The following IFT56 variants were observed in gnomAD, a reference collection of about 807,000 sequenced individuals.
IFT56 encodes the protein intraflagellar transport 56.
chr7:139,138,959 C>T, the IFT56 span, among the ~76,000 whole-genome samples: 4 of 152,034 alleles, frequency 2.6e-5, no homozygotes, highest in East Asian at 3.9e-4. Flanking sequence ...TACAGACATG[C>T]GCCACCATGC....
the IFT56 span, among the ~76,000 whole-genome samples, chr7:139,143,017 T>G: frequency 6.6e-6 from 1 of 152,068 alleles, no homozygotes; most frequent in Admixed American, 6.6e-5. Context: ...AAATAATTGT[T>G]TAATTTATTT....
At chr7:139,144,437 A>G in the IFT56 span, among the ~76,000 whole-genome samples, 1 of 152,054 alleles carries the variant, frequency 6.6e-6, no homozygotes, top group East Asian at 1.9e-4. Flanking sequence ...CACTTTTCCT[A>G]TAATATTCCC....
chr7:139,133,840 C>A, the IFT56 span: 1 of 1,614,214 alleles, frequency 6.2e-7, no homozygotes, highest in South Asian at 1.1e-5. Context: ...GGTGGGGACT[C>A]ACAAGACCGA....
the IFT56 span, among the ~76,000 whole-genome samples, chr7:139,182,715 G>GA: frequency 6.6e-6 from 1 of 152,132 alleles, no homozygotes; most frequent in Non-Finnish European, 1.5e-5. Context: ...GAACCTTGTG[G>GA]AAACCAGTGT....
chr7:139,166,998 G>A, the IFT56 span: 4 of 671,716 alleles, frequency 6.0e-6, no homozygotes, highest in South Asian at 7.8e-5. Context: ...GCAGACTCCT[G>A]CCTGTAGAAT....
the IFT56 span, among the ~76,000 whole-genome samples, chr7:139,149,973 A>G: frequency 2.0e-5 from 3 of 152,180 alleles, no homozygotes; most frequent in African/African-American, 4.8e-5. Flanking sequence ...CACTATATCT[A>G]TATACAAATA....
chr7:139,149,095 G>A, the IFT56 span, among the ~76,000 whole-genome samples: 12 of 151,820 alleles, frequency 7.9e-5, no homozygotes, highest in African/African-American at 2.9e-4. Context: ...CACAAGGTCA[G>A]GAGATCGAGA....
chr7:139,144,175 T>C, the IFT56 span, among the ~76,000 whole-genome samples: 2 of 152,184 alleles, frequency 1.3e-5, no homozygotes, highest in African/African-American at 2.4e-5. Context: ...TAATATTTCC[T>C]TTAGTGGTGA....
the IFT56 span, among the ~76,000 whole-genome samples, chr7:139,184,238 C>G: frequency 2.6e-5 from 4 of 152,274 alleles, no homozygotes; most frequent in South Asian, 6.2e-4. Flanking sequence ...TCTACTCTCC[C>G]TAGGCTTCAA....
chr7:139,170,706 A>C, the IFT56 span, among the ~76,000 whole-genome samples: 894 of 152,330 alleles, frequency 5.9e-3, 9 homozygotes, highest in South Asian at 0.056. Context: ...CATACCTCAA[A>C]ACAATGAAAT....
chr7:139,159,302 T>A, the IFT56 span, among the ~76,000 whole-genome samples: 1 of 152,334 alleles, frequency 6.6e-6, no homozygotes, highest in South Asian at 2.1e-4. Flanking sequence ...TATTTCTTCT[T>A]GTGTTATTTT....
chr7:139,169,593 G>C, the IFT56 span, among the ~76,000 whole-genome samples: 1 of 152,170 alleles, frequency 6.6e-6, no homozygotes, highest in Non-Finnish European at 1.5e-5. Flanking sequence ...CTTTGAATCA[G>C]TTTTAGATAT....
the IFT56 span, chr7:139,187,539 A>C: frequency 1.2e-6 from 2 of 1,614,016 alleles, no homozygotes; most frequent in Admixed American, 1.7e-5. Context: ...AGAGAACCCA[A>C]GTAAGTAAAC....
chr7:139,180,708 C>CAA, the IFT56 span, among the ~76,000 whole-genome samples: 61 of 131,886 alleles, frequency 4.6e-4, no homozygotes, highest in East Asian at 1.3e-3. Flanking sequence ...GACTCTGTCT[C>CAA]AAAAAAAAAA....
At chr7:139,175,213 G>A in the IFT56 span, among the ~76,000 whole-genome samples, 1 of 151,980 alleles carries the variant, frequency 6.6e-6, no homozygotes, top group South Asian at 2.1e-4. Context: ...AGAGAAAAGG[G>A]ACCTTCGTAC....
chr7:139,151,824 G>C, the IFT56 span, among the ~76,000 whole-genome samples: 6 of 152,202 alleles, frequency 3.9e-5, no homozygotes, highest in Non-Finnish European at 8.8e-5. Context: ...AACTTTGGGA[G>C]GCCAAGGTGG....
chr7:139,168,134 T>C, the IFT56 span, among the ~76,000 whole-genome samples: 1 of 152,092 alleles, frequency 6.6e-6, no homozygotes, highest in Non-Finnish European at 1.5e-5. Flanking sequence ...TTTACAAATA[T>C]GGTAAATTTT....
the IFT56 span, chr7:139,173,472 A>C: frequency 3.0e-6 from 2 of 660,756 alleles, no homozygotes; most frequent in African/African-American, 3.6e-5. Context: ...CAGGTGATCC[A>C]CTCACCTCGG....
the IFT56 span, chr7:139,173,773 A>G: frequency 2.6e-6 from 2 of 755,546 alleles, no homozygotes; most frequent in East Asian, 2.5e-5. Context: ...TTGGTCTGGC[A>G]TGAAAGTTTC....
Sources: gnomAD v4.1 joint callset for allele counts (sites outside exome capture counted in the v4.1 genomes callset) on GRCh38, gnomAD v4.1.1 for gene constraint, MANE v1.5 for transcripts, NCBI Gene and HGNC (gene_info 2026-07-23, HGNC 2026-07-21) for gene names.